The following DGKH variants were observed in gnomAD, a reference collection of about 807,000 sequenced individuals.
DGKH encodes diacylglycerol kinase eta.
In DGKH, 90 loss-of-function variants were observed where a neutral mutation model predicts 159.3. That is an observed-to-expected ratio of 0.57 (90% CI 0.48 to 0.67). DGKH has a LOEUF of 0.67. DGKH is among the 30% of genes least tolerant of loss of function. The pLI is 0.00. For missense variants in DGKH, 1,181 were observed against 1,506.1 expected (o/e 0.78, Z 3.57); for synonymous variants, 536 against 553.8 (o/e 0.97, Z 0.45).
intron 1 of DGKH, among the ~76,000 whole-genome samples, chr13:42,106,686 T>A (rs1954763986): frequency 1.3e-5 from 2 of 152,142 alleles, no homozygotes; most frequent in Non-Finnish European, 1.5e-5. Flanking sequence ...ACTTAACCTG[T>A]TTTATGATTT....
chr13:42,208,778 G>A (rs1957568105), intron 21 of DGKH, among the ~76,000 whole-genome samples, 181 bp from the exon 22 acceptor site: 1 of 150,710 alleles, frequency 6.6e-6, no homozygotes, highest in African/African-American at 2.4e-5. Flanking sequence ...CCTTTTTAAA[G>A]TTAGGTTTAT....
Position 42,238,879 on chromosome 13 carries a change from A to G in DGKH, c.*9691A>G, listed in dbSNP as rs929103996. The G allele has an allele frequency of 2.0e-5, 3 of 152,112 alleles. No individual in the cohort carries two copies. Among genetic ancestry groups the G allele is most frequent in the African/African-American group, 7.2e-5 (3 of 41,442 alleles). The allele number at this position is 152,112 out of a possible 1,614,324, so 9.4% of individuals were successfully genotyped here. A position where few individuals can be genotyped will look rare whatever the true frequency, so the allele number is the denominator to read the frequency against. On this transcript the variant is annotated 3_prime_UTR_variant, in exon 30 of 30. Transcript: ENST00000337343. ...TCTGTCACTATCTGATTCTTGACCT[A>G]AAGGTTTCTTTGCTAAATCTGATAT...
intron 1 of DGKH, among the ~76,000 whole-genome samples, chr13:42,102,063 G>A (rs901647379): frequency 2.0e-5 from 3 of 152,230 alleles, no homozygotes; most frequent in African/African-American, 7.2e-5. Flanking sequence ...TCTTGATGGT[G>A]TGATTGAAGT....
chr13:42,196,371 C>T (rs56903934), intron 17 of DGKH, among the ~76,000 whole-genome samples: 18,162 of 152,172 alleles, frequency 0.12, 1,546 homozygotes, highest in East Asian at 0.4. Flanking sequence ...GCAGCATTCA[C>T]AATAGCCCCA....
At position 42,234,884 on chromosome 13, in the gene DGKH, C is replaced by T. The variant is rs1385249265; in HGVS notation, c.*5696C>T. ...ATATGATGCCATTGTAATAGGAGGC[C>T]TTCCTAAAGAAGTAACTGCAACTTT... On this transcript the variant is annotated 3_prime_UTR_variant, in exon 30 of 30. Transcript: ENST00000337343. 1 of 152,184 alleles carries T rather than the reference C, an allele frequency of 6.6e-6. No individual in the cohort carries two copies. Among genetic ancestry groups the T allele is most frequent in the Non-Finnish European group, 1.5e-5 (1 of 68,032 alleles). 9.4% of individuals were successfully genotyped at this position (152,184 alleles called of 1,614,324 possible).
rs1404600612 is a variant in DGKH, at chr13:42,214,580, G to A, written c.3088G>A (p.Ala1030Thr). ...CCATGCTGTGAATGCCTGCTCCCAT[G>A]CCCTGAATAAAGCCAACCCAAGGTG... The part of the protein sequence containing the change: ...LAHAVNACSH[A>T]LNKANPRCPE... Residue 1030 changes from alanine (A) to threonine (T), a missense_variant, in exon 25 of 30, where the codon GCC becomes ACC. Coordinates refer to ENST00000337343, the MANE Select transcript of DGKH (RefSeq NM_178009.5). 4 of 1,613,686 alleles carry A rather than the reference G, an allele frequency of 2.5e-6. No homozygotes were observed. The highest frequency in any genetic ancestry group is 2.2e-5 in the South Asian group (2 of 91,018).
At chr13:42,129,491 A>G (rs533886997) in intron 2 of DGKH, 61 bp from the exon 3 acceptor site, 1 of 1,369,204 alleles carries the variant, frequency 7.3e-7, no homozygotes, top group South Asian at 1.3e-5. Flanking sequence ...GAAAAAATGT[A>G]TTGAAGAGCA....
intron 3 of DGKH, among the ~76,000 whole-genome samples, chr13:42,130,470 A>G (rs2137848744): frequency 6.6e-6 from 1 of 152,252 alleles, no homozygotes; most frequent in South Asian, 2.1e-4. Flanking sequence ...TTCCCTCAAG[A>G]TATTCCTGAC....
intron 1 of DGKH, among the ~76,000 whole-genome samples, chr13:42,112,113 T>C (rs778518236): frequency 1.3e-5 from 2 of 152,178 alleles, no homozygotes; most frequent in African/African-American, 2.4e-5. Context: ...GTGTGTTTTA[T>C]ATGTAAAAGT....
At chr13:42,048,432 G>C (rs1472541560), upstream of DGKH, among the ~76,000 whole-genome samples, 1 of 151,990 alleles carries the variant, frequency 6.6e-6, no homozygotes, top group Non-Finnish European at 1.5e-5. This position sits in a 1 kb window ranked among gnomAD's most constrained non-coding sequence, Gnocchi z 6.7. Context: ...GTAAGGGAGT[G>C]GAAGAGATGT....
At chr13:42,046,249 T>C (rs777387346), upstream of DGKH, among the ~76,000 whole-genome samples, 1 of 152,242 alleles carries the variant, frequency 6.6e-6, no homozygotes, top group Non-Finnish European at 1.5e-5. Context: ...TACCACATAT[T>C]TGAAATTGTT....
chr13:42,128,558 G>A (rs897365448), intron 2 of DGKH, among the ~76,000 whole-genome samples: 1 of 152,110 alleles, frequency 6.6e-6, no homozygotes, highest in African/African-American at 2.4e-5. Flanking sequence ...TCACTAGGAT[G>A]ACTTTTCCTT....
chr13:42,046,744 T>C (rs199767424), upstream of DGKH, among the ~76,000 whole-genome samples: 211 of 152,324 alleles, frequency 1.4e-3, 2 homozygotes, highest in Non-Finnish European at 2.6e-3. Flanking sequence ...AATGTATGAA[T>C]AGAAGTATAT....
intron 3 of DGKH, among the ~76,000 whole-genome samples, chr13:42,139,004 G>C (rs1955469829): frequency 6.6e-6 from 1 of 152,106 alleles, no homozygotes; most frequent in South Asian, 2.1e-4. Flanking sequence ...GGGGCTTTTA[G>C]AAATGAAATA....
intron 13 of DGKH, among the ~76,000 whole-genome samples, chr13:42,182,591 A>G (rs1349680082): frequency 6.6e-6 from 1 of 152,188 alleles, no homozygotes; most frequent in African/African-American, 2.4e-5. Flanking sequence ...GTTATACTGT[A>G]TTGTTCAGGG....
rs1210886470 is a variant in DGKH at position 42,059,919 on chromosome 13, T to A, written c.192+10954T>A. ...CTCTCTTTTTTCTTTTTTTTTTTTT[T>A]TATATATATAGAGTCTCACTCTGTC... is the stretch of plus-strand genomic sequence containing the variant. On this transcript the variant is annotated intron_variant, in intron 1 of 29. Coordinates refer to ENST00000337343, the MANE Select transcript of DGKH (RefSeq NM_178009.5). 1.1e-4 allele frequency among the ~76,000 whole-genome samples: 17 copies of A among 150,710 alleles called. No homozygotes were observed. In the South Asian group the frequency reaches 2.3e-3, roughly 21 times the overall value.
intron 29 of DGKH, among the ~76,000 whole-genome samples, chr13:42,248,098 G>C (rs1298101504): frequency 2.0e-5 from 3 of 152,106 alleles, no homozygotes; most frequent in Non-Finnish European, 4.4e-5. Flanking sequence ...ACTCACCCAA[G>C]GCAACTTCCA....
intron 28 of DGKH, chr13:42,221,059 T>A: frequency 1.8e-6 from 1 of 561,200 alleles, no homozygotes; most frequent in Non-Finnish European, 2.9e-6. Context: ...CAGCAAATGG[T>A]TTTGTATAGT....
At chr13:42,149,768 A>G (rs1453126616) in intron 3 of DGKH, among the ~76,000 whole-genome samples, 1 of 152,236 alleles carries the variant, frequency 6.6e-6, no homozygotes. Flanking sequence ...TTAATATGTA[A>G]GTGGAGAAAA....
Sources: allele counts gnomAD v4.1 joint callset (sites outside exome capture counted in the v4.1 genomes callset), GRCh38; gene constraint gnomAD v4.1.1; non-coding constraint Gnocchi (gnomAD v3.1); transcripts MANE v1.5; gene names NCBI Gene and HGNC (gene_info 2026-07-23, HGNC 2026-07-21).